Variants in DLG2 observed in about 807,000 individuals in gnomAD.
DLG2 encodes the protein discs large MAGUK scaffold protein 2, also known as disks large homolog 2.
Under a neutral mutation model 132.5 loss-of-function variants are expected in DLG2, and 45 were observed. That is an observed-to-expected ratio of 0.34 (90% confidence interval 0.27 to 0.44). DLG2 has a LOEUF of 0.44. DLG2 is among the 20% of genes least tolerant of loss of function. The pLI, the probability that DLG2 is intolerant of heterozygous loss-of-function variation, is 1.00. For missense variants in DLG2, 1,045 were observed against 1,196.9 expected (o/e 0.87, Z 1.87); for synonymous variants, 424 against 419.6 (o/e 1.01, Z -0.13).
chr11:84,622,097 A>C (rs1216939091), intron 6 of DLG2, among the ~76,000 whole-genome samples: 1 of 152,196 alleles, frequency 6.6e-6, no homozygotes, highest in African/African-American at 2.4e-5. Flanking sequence ...TTTTGACTTA[A>C]TAGTTTGTCC....
At chr11:85,396,036 G>A (rs936688823) in intron 3 of DLG2, among the ~76,000 whole-genome samples, 8 of 152,170 alleles carry the variant, frequency 5.3e-5, no homozygotes, top group Non-Finnish European at 1.0e-4. Flanking sequence ...ACCTCAAACA[G>A]GTGGGTGTTC....
intron 19 of DLG2, among the ~76,000 whole-genome samples, chr11:83,601,284 A>C (rs551076776): frequency 8.8e-4 from 134 of 152,236 alleles, no homozygotes; most frequent in African/African-American, 3.1e-3. Flanking sequence ...GCATTATTCT[A>C]TATGGGCTAG....
chr11:83,876,975 A>G (rs1236727608), intron 15 of DLG2, among the ~76,000 whole-genome samples: 1 of 152,176 alleles, frequency 6.6e-6, no homozygotes, highest in Non-Finnish European at 1.5e-5. Context: ...CGGCTTTAAT[A>G]TTATAAACAG....
intron 6 of DLG2, among the ~76,000 whole-genome samples, chr11:84,778,693 G>T (rs1479966247): frequency 6.6e-6 from 1 of 152,070 alleles, no homozygotes; most frequent in Non-Finnish European, 1.5e-5. Context: ...AAGCTGATTG[G>T]ATTGAAGGAG....
intron 3 of DLG2, among the ~76,000 whole-genome samples, chr11:85,291,880 T>C (rs2152772230): frequency 6.6e-6 from 1 of 152,180 alleles, no homozygotes; most frequent in East Asian, 1.9e-4. Flanking sequence ...CCACCACGCC[T>C]GGCCAGGATT....
chr11:83,493,600 C>A (rs2093993710), intron 21 of DLG2, among the ~76,000 whole-genome samples: 1 of 151,950 alleles, frequency 6.6e-6, no homozygotes, highest in East Asian at 1.9e-4. Context: ...TTTGTGTTTC[C>A]CCACATTCTG....
chr11:84,656,659 T>C (rs7113769), intron 6 of DLG2, among the ~76,000 whole-genome samples: 9,135 of 152,152 alleles, frequency 0.06, 305 homozygotes, highest in South Asian at 0.081. Flanking sequence ...TGGACCATAA[T>C]GGAAACAGAG....
At chr11:84,868,668 T>C (rs997139832) in intron 6 of DLG2, among the ~76,000 whole-genome samples, 1 of 152,074 alleles carries the variant, frequency 6.6e-6, no homozygotes, top group Admixed American at 6.5e-5. Flanking sequence ...CTCAGCACAA[T>C]GATGAGTCGG....
intron 19 of DLG2, among the ~76,000 whole-genome samples, chr11:83,573,234 C>A (rs533673025): frequency 6.6e-6 from 1 of 152,010 alleles, no homozygotes; most frequent in African/African-American, 2.4e-5. Flanking sequence ...AAAATGATTA[C>A]GAAAGAGCAA....
chr11:85,475,286 C>A (rs1187307666), intron 3 of DLG2, among the ~76,000 whole-genome samples: 1 of 151,696 alleles, frequency 6.6e-6, no homozygotes, highest in Non-Finnish European at 1.5e-5. Context: ...GATAGTTTGA[C>A]CAATTCTACC....
At chr11:85,495,925 AT>A (rs1036180617) in intron 3 of DLG2, among the ~76,000 whole-genome samples, 1 of 152,148 alleles carries the variant, frequency 6.6e-6, no homozygotes, top group Admixed American at 6.5e-5. Context: ...GTGGCACATG[AT>A]TGGCTTCCAA....
chr11:83,871,804 A>T (rs985735057), intron 16 of DLG2, among the ~76,000 whole-genome samples: 2 of 152,246 alleles, frequency 1.3e-5, no homozygotes, highest in African/African-American at 4.8e-5. Context: ...TTTTACATAA[A>T]CAAATACATA....
chr11:85,311,207 ATGT>A (rs928668285), intron 3 of DLG2, among the ~76,000 whole-genome samples: 16 of 152,168 alleles, frequency 1.1e-4, no homozygotes, highest in Non-Finnish European at 1.6e-4. Flanking sequence ...ATCTATATCG[ATGT>A]TGTCCATTAC....
intron 6 of DLG2, among the ~76,000 whole-genome samples, chr11:84,838,705 C>T (rs188067273): frequency 1.2e-3 from 181 of 152,044 alleles, no homozygotes; most frequent in African/African-American, 4.2e-3. Flanking sequence ...AATCAACAAA[C>T]GTAATCCATC....
At chr11:84,773,610 G>C (rs1423073455) in intron 6 of DLG2, among the ~76,000 whole-genome samples, 2 of 152,038 alleles carry the variant, frequency 1.3e-5, no homozygotes, top group Non-Finnish European at 2.9e-5. Context: ...ATGCAAAGTT[G>C]GTTCCACATA....
intron 3 of DLG2, among the ~76,000 whole-genome samples, chr11:85,439,287 A>T (rs968041467): frequency 2.0e-5 from 3 of 151,926 alleles, no homozygotes; most frequent in African/African-American, 7.3e-5. Context: ...CAAGTTCAGG[A>T]TCTGCTACAT....
At chr11:85,490,767 T>G (rs1260074888) in intron 3 of DLG2, among the ~76,000 whole-genome samples, 1 of 151,846 alleles carries the variant, frequency 6.6e-6, no homozygotes, top group Non-Finnish European at 1.5e-5. Flanking sequence ...ATAGAAAACC[T>G]GAACAAACCA....
At chr11:84,399,454 C>T (rs2098822104) in intron 7 of DLG2, among the ~76,000 whole-genome samples, 1 of 152,184 alleles carries the variant, frequency 6.6e-6, no homozygotes, top group Non-Finnish European at 1.5e-5. Flanking sequence ...GAGAAAGAGT[C>T]TCGCTCTGTC....
intron 5 of DLG2, among the ~76,000 whole-genome samples, chr11:85,117,973 C>T (rs540518247): frequency 6.6e-6 from 1 of 152,136 alleles, no homozygotes; most frequent in East Asian, 1.9e-4. Context: ...AAAATGACTT[C>T]TATTATTACA....
Sources: allele counts gnomAD v4.1 joint callset (sites outside exome capture counted in the v4.1 genomes callset), GRCh38; gene constraint gnomAD v4.1.1; transcripts MANE v1.5; gene names NCBI Gene and HGNC (gene_info 2026-07-23, HGNC 2026-07-21).